PDE1C: variants seen among roughly 807,000 people sequenced by gnomAD.
The protein encoded by PDE1C is dual specificity calcium/calmodulin-dependent 3',5'-cyclic nucleotide phosphodiesterase 1C.
Under a neutral mutation model 93.1 loss-of-function variants are expected in PDE1C, and 62 were observed. The ratio of observed to expected loss-of-function variants is 0.67; its 90% CI spans 0.54 to 0.82. The LOEUF (loss-of-function observed/expected upper bound fraction) is 0.82. Ranked by LOEUF, PDE1C falls within the 40% of genes least tolerant of loss-of-function variation. The pLI, the probability that PDE1C is intolerant of heterozygous loss-of-function variation, is 0.00. For synonymous variants in PDE1C, 325 were observed against 310.1 expected (o/e 1.05, Z -0.50); for missense variants, 742 against 884.6 (o/e 0.84, Z 2.04).
chr7:31,621,943 G>A, the PDE1C span, among the ~76,000 whole-genome samples: 4 of 149,330 alleles, frequency 2.7e-5, no homozygotes, highest in Non-Finnish European at 4.5e-5. Context: ...AAAAAAGGCA[G>A]GGGTTGCAAT....
chr7:32,128,904 CAAATATATATATATATATATATAT>C (rs1361359474), intron 3 of PDE1C, among the ~76,000 whole-genome samples: 3 of 40,814 alleles, frequency 7.4e-5, no homozygotes, highest in South Asian at 1.1e-3. Flanking sequence ...TAAAGTATAA[CAAATATATATATATATATATATAT>C]ATATATATAT....
chr7:31,725,986 T>G, the PDE1C span, among the ~76,000 whole-genome samples: 1 of 152,242 alleles, frequency 6.6e-6, no homozygotes. Context: ...TTATGCTTAC[T>G]TCTACTTCAT....
intron 1 of PDE1C, among the ~76,000 whole-genome samples, chr7:32,279,343 CGGT>C (rs1811480693): frequency 6.6e-6 from 1 of 152,088 alleles, no homozygotes; most frequent in Admixed American, 6.5e-5. Context: ...GGGGAAAGGT[CGGT>C]CAACAGGTAC....
chr7:31,861,970 C>G (rs541775384), intron 7 of PDE1C, among the ~76,000 whole-genome samples: 1 of 152,264 alleles, frequency 6.6e-6, no homozygotes, highest in East Asian at 1.9e-4. Flanking sequence ...CACCACTGTC[C>G]CCATCATGTG....
At chr7:32,391,237 T>C (rs1784743284) in intron 1 of PDE1C, among the ~76,000 whole-genome samples, 1 of 152,148 alleles carries the variant, frequency 6.6e-6, no homozygotes, top group African/African-American at 2.4e-5. Flanking sequence ...AAGTGGCTCA[T>C]TAAGGATCAA....
intron 1 of PDE1C, among the ~76,000 whole-genome samples, chr7:32,059,285 G>A (rs775312548): frequency 6.6e-6 from 1 of 152,214 alleles, no homozygotes; most frequent in Non-Finnish European, 1.5e-5. Context: ...AAGCAGAGAT[G>A]TAAATAAGAC....
At chr7:32,032,179 C>T (rs936723762) in intron 2 of PDE1C, among the ~76,000 whole-genome samples, 5 of 152,112 alleles carry the variant, frequency 3.3e-5, no homozygotes, top group African/African-American at 1.2e-4. Context: ...CCCAGGATGC[C>T]ACATGGGGCA....
At chr7:32,051,678 C>G (rs374059061) in intron 1 of PDE1C, 98 bp from the exon 2 acceptor site, 1 of 934,572 alleles carries the variant, frequency 1.1e-6, no homozygotes, top group Non-Finnish European at 1.8e-6. Context: ...GGGGTCAACA[C>G]TTCTTAGGGG....
chr7:32,201,662 G>A (rs371155702), intron 2 of PDE1C, among the ~76,000 whole-genome samples: 395 of 152,292 alleles, frequency 2.6e-3, no homozygotes, highest in Non-Finnish European at 4.8e-3. Context: ...GGAAATAAAG[G>A]GTAAAGAATG....
At chr7:31,964,227 T>C (rs1253590739) in intron 2 of PDE1C, among the ~76,000 whole-genome samples, 2 of 152,204 alleles carry the variant, frequency 1.3e-5, no homozygotes, top group African/African-American at 2.4e-5. Context: ...GGATGACAGA[T>C]GGCACCTGGA....
chr7:32,302,182 C>T (rs1307081657), upstream of PDE1C, among the ~76,000 whole-genome samples: 3 of 152,162 alleles, frequency 2.0e-5, no homozygotes, highest in Non-Finnish European at 4.4e-5. Flanking sequence ...AGTAAGCATA[C>T]TTTACATCTG....
intron 3 of PDE1C, among the ~76,000 whole-genome samples, chr7:32,079,779 C>A (rs55894955): frequency 6.6e-6 from 1 of 152,098 alleles, no homozygotes; most frequent in Non-Finnish European, 1.5e-5. Flanking sequence ...AGTCCTCTTA[C>A]GGGCTAAGCC....
At chr7:32,135,806 G>A (rs1314217593) in intron 3 of PDE1C, among the ~76,000 whole-genome samples, 1 of 152,148 alleles carries the variant, frequency 6.6e-6, no homozygotes, top group Non-Finnish European at 1.5e-5. Flanking sequence ...ATCTTGAAGA[G>A]ATATCTATAC....
the PDE1C span, among the ~76,000 whole-genome samples, chr7:31,725,401 T>A: frequency 6.6e-6 from 1 of 152,202 alleles, no homozygotes; most frequent in Admixed American, 6.5e-5. Flanking sequence ...CCCAACCAAC[T>A]TTTTTGGCAT....
chr7:32,002,349 G>A (rs979134110), intron 2 of PDE1C, among the ~76,000 whole-genome samples: 6 of 152,162 alleles, frequency 3.9e-5, no homozygotes, highest in African/African-American at 1.4e-4. Flanking sequence ...AGCCAAAGCA[G>A]GAGGCACCAT....
intron 2 of PDE1C, among the ~76,000 whole-genome samples, chr7:31,976,150 T>A (rs186947944): frequency 1.4e-4 from 22 of 152,318 alleles, no homozygotes; most frequent in Admixed American, 2.6e-4. Context: ...CATAACAAAT[T>A]AACATACAAT....
At chr7:31,640,227 C>T in the PDE1C span, among the ~76,000 whole-genome samples, 3 of 152,186 alleles carry the variant, frequency 2.0e-5, no homozygotes, top group Non-Finnish European at 4.4e-5. Flanking sequence ...GGAGGTTTTG[C>T]ATCTGGCTGG....
intron 2 of PDE1C, among the ~76,000 whole-genome samples, chr7:32,194,605 T>C (rs536742479): frequency 1.3e-5 from 2 of 152,352 alleles, no homozygotes; most frequent in South Asian, 2.1e-4. Context: ...GATGTTAATA[T>C]AGCCACTACA....
chr7:32,014,528 A>G (rs1344039592), intron 2 of PDE1C, among the ~76,000 whole-genome samples: 5 of 152,122 alleles, frequency 3.3e-5, no homozygotes, highest in African/African-American at 1.2e-4. Flanking sequence ...ACAGGTATAC[A>G]TGTGCCATGG....
Sources: allele counts gnomAD v4.1 joint callset (sites outside exome capture counted in the v4.1 genomes callset), GRCh38; gene constraint gnomAD v4.1.1; transcripts MANE v1.5; gene names NCBI Gene and HGNC (gene_info 2026-07-23, HGNC 2026-07-21).